SORCS3: variants seen among roughly 807,000 people sequenced by gnomAD.
SORCS3 encodes the protein sortilin related VPS10 domain containing receptor 3, also known as VPS10 domain-containing receptor SorCS3.
In SORCS3, 57 loss-of-function variants were observed where a neutral mutation model predicts 146.3. The observed-to-expected ratio is 0.39, with a 90% CI of 0.31 to 0.49. The LOEUF is 0.49. Ranked by LOEUF, SORCS3 falls within the 20% of genes least tolerant of loss-of-function variation. SORCS3 has a pLI of 0.92. For synonymous variants in SORCS3, 653 were observed against 618.5 expected, an observed-to-expected ratio of 1.06 and a Z score of -0.83; for missense variants, 1,341 against 1,575.5, an observed-to-expected ratio of 0.85 and a Z score of 2.52.
At chr10:104,878,775 GT>G (rs1289633515) in intron 2 of SORCS3, among the ~76,000 whole-genome samples, 3 of 152,220 alleles carry the variant, frequency 2.0e-5, no homozygotes, top group Non-Finnish European at 4.4e-5. Context: ...TGAATGCACT[GT>G]ATGTATTCCA....
chr10:105,129,878 G>A (rs2056005464), intron 7 of SORCS3, among the ~76,000 whole-genome samples: 1 of 152,106 alleles, frequency 6.6e-6, no homozygotes, highest in South Asian at 2.1e-4. Context: ...CTGAGGGCAA[G>A]GAGAATTTCT....
chr10:104,956,687 C>T (rs557785062), intron 3 of SORCS3, among the ~76,000 whole-genome samples: 1 of 151,906 alleles, frequency 6.6e-6, no homozygotes, highest in South Asian at 2.1e-4. Context: ...TTGACTGTGT[C>T]TTTCTCATCT....
chr10:104,741,598 C>T (rs1261036316), intron 1 of SORCS3, among the ~76,000 whole-genome samples: 3 of 134,660 alleles, frequency 2.2e-5, no homozygotes, highest in Non-Finnish European at 4.8e-5. Flanking sequence ...CCCTGATGCT[C>T]TTTTTTTTTT....
chr10:105,091,239 C>A (rs1589627897), intron 6 of SORCS3, among the ~76,000 whole-genome samples: 1 of 115,152 alleles, frequency 8.7e-6, no homozygotes, highest in East Asian at 2.5e-4. Context: ...TTCCTTCCCT[C>A]CTTCCTTCCT....
At chr10:105,121,291 C>T (rs1767954259) in intron 7 of SORCS3, among the ~76,000 whole-genome samples, 1 of 152,170 alleles carries the variant, frequency 6.6e-6, no homozygotes, top group African/African-American at 2.4e-5. Context: ...AGCATGTGTG[C>T]ATTTTATTTT....
At chr10:105,255,939 CAGA>C (rs995347996) in intron 24 of SORCS3, 138 bp downstream of exon 24, 24 of 650,976 alleles carry the variant, frequency 3.7e-5, no homozygotes, top group Non-Finnish European at 5.5e-5. Context: ...AGTTATGGTT[CAGA>C]AGGATTGGTC....
chr10:105,150,177 G>A (rs2056158518), intron 9 of SORCS3, among the ~76,000 whole-genome samples: 1 of 152,038 alleles, frequency 6.6e-6, no homozygotes. Flanking sequence ...TATTTACCTG[G>A]TCAATGCTGG....
intron 4 of SORCS3, among the ~76,000 whole-genome samples, chr10:105,037,910 C>T (rs1027834140): frequency 4.6e-5 from 7 of 152,152 alleles, no homozygotes; most frequent in Non-Finnish European, 7.3e-5. Context: ...GATTAAATTG[C>T]CTCTTTAGTT....
intron 6 of SORCS3, among the ~76,000 whole-genome samples, chr10:105,097,319 A>T (rs2055753358): frequency 6.6e-6 from 1 of 152,252 alleles, no homozygotes; most frequent in Non-Finnish European, 1.5e-5. Flanking sequence ...AGTTTGGTTA[A>T]CAACTGTGCG....
intron 1 of SORCS3, among the ~76,000 whole-genome samples, chr10:104,826,657 G>C (rs2017939013): frequency 6.6e-6 from 1 of 152,174 alleles, no homozygotes; most frequent in African/African-American, 2.4e-5. Flanking sequence ...CAATGTCAAT[G>C]GCTGCTGACT....
intron 3 of SORCS3, among the ~76,000 whole-genome samples, chr10:104,935,211 T>C (rs977055553): frequency 1.3e-5 from 2 of 152,198 alleles, no homozygotes; most frequent in Non-Finnish European, 2.9e-5. Flanking sequence ...AAAACTTACC[T>C]CACTAGGAAG....
intron 2 of SORCS3, among the ~76,000 whole-genome samples, chr10:104,848,012 A>G (rs888460575): frequency 6.6e-6 from 1 of 152,098 alleles, no homozygotes; most frequent in Non-Finnish European, 1.5e-5. Flanking sequence ...CTTACACCAT[A>G]CTGGTGATTC....
rs535233378 is a variant in SORCS3 at position 104,700,615 on chromosome 10, C to T, written c.627+58661C>T. ...CAGCCTCATCAGAATAAAATGGAGT[C>T]GGGAGAGCAGTTTCCGAAGGAAGGG... On this transcript the variant is annotated intron_variant, in intron 1 of 26. Coordinates refer to ENST00000369701, the MANE Select transcript of SORCS3 (RefSeq NM_014978.3). Among the ~76,000 whole-genome samples, 30 of 142,082 alleles carry T rather than the reference C, an allele frequency of 2.1e-4. 1 individual carries two copies. In the South Asian group the frequency reaches 4.9e-3, roughly 23 times the overall value. 93.2% of individuals were successfully genotyped at this position (142,082 alleles called of 152,430 possible).
At chr10:104,901,756 A>G (rs938791001) in intron 2 of SORCS3, among the ~76,000 whole-genome samples, 5 of 152,086 alleles carry the variant, frequency 3.3e-5, no homozygotes, top group African/African-American at 4.8e-5. Flanking sequence ...CTAGTTATCT[A>G]GTGAGAGATG....
chr10:104,667,793 C>T (rs1444819031), intron 1 of SORCS3, among the ~76,000 whole-genome samples: 8 of 152,196 alleles, frequency 5.3e-5, no homozygotes, highest in Admixed American at 5.2e-4. Context: ...CACCTTTTCT[C>T]TTAATACAAC....
chr10:105,083,956 A>G (rs982990762), intron 5 of SORCS3, among the ~76,000 whole-genome samples: 1 of 152,208 alleles, frequency 6.6e-6, no homozygotes, highest in African/African-American at 2.4e-5. Flanking sequence ...GGCAGCTTAC[A>G]GGAGAAGTTA....
chr10:104,988,694 T>C (rs1309841507), intron 4 of SORCS3, among the ~76,000 whole-genome samples: 1 of 152,190 alleles, frequency 6.6e-6, no homozygotes, highest in Non-Finnish European at 1.5e-5. Context: ...GTTGAAATCA[T>C]GTAACTTCAT....
At chr10:105,084,985 C>A (rs1414430792) in intron 5 of SORCS3, among the ~76,000 whole-genome samples, 1 of 152,152 alleles carries the variant, frequency 6.6e-6, no homozygotes, top group Non-Finnish European at 1.5e-5. Context: ...CCGACTCGGC[C>A]TCCCAAAGTG....
intron 1 of SORCS3, among the ~76,000 whole-genome samples, chr10:104,814,066 C>A (rs1419378421): frequency 6.6e-6 from 1 of 151,740 alleles, no homozygotes; most frequent in Non-Finnish European, 1.5e-5. Flanking sequence ...CTTAATCATG[C>A]ACAGGCTCTT....
Sources: allele counts gnomAD v4.1 joint callset (sites outside exome capture counted in the v4.1 genomes callset), GRCh38; gene constraint gnomAD v4.1.1; transcripts MANE v1.5; gene names NCBI Gene and HGNC (gene_info 2026-07-23, HGNC 2026-07-21).